The following PARD3B variants were observed in gnomAD, a reference collection of about 807,000 sequenced individuals.
PARD3B encodes par-3 family cell polarity regulator beta.
PARD3B carries 103 observed loss-of-function variants against 130.2 expected under a neutral mutation model. That is an observed-to-expected ratio of 0.79 (90% CI 0.67 to 0.93). The LOEUF (loss-of-function observed/expected upper bound fraction) is 0.93, where lower values mean the gene tolerates loss of function less well. Ranked by LOEUF, PARD3B falls within the 40% of genes least tolerant of loss-of-function variation. The pLI, the probability that PARD3B is intolerant of heterozygous loss-of-function variation, is 0.00. For missense variants in PARD3B, 1,609 were observed against 1,499.2 expected (o/e 1.07, Z -1.21); for synonymous variants, 583 against 553.2 (o/e 1.05, Z -0.76).
intron 2 of PARD3B, among the ~76,000 whole-genome samples, chr2:204,783,000 G>A (rs1245355549): frequency 6.6e-6 from 1 of 151,868 alleles, no homozygotes; most frequent in Non-Finnish European, 1.5e-5. Context: ...GAAAATTTCT[G>A]TTCTATCTAC....
chr2:205,599,242 A>T (rs1398304348), intron 22 of PARD3B, among the ~76,000 whole-genome samples: 2 of 152,200 alleles, frequency 1.3e-5, no homozygotes, highest in Non-Finnish European at 2.9e-5. Context: ...AGATTACCAG[A>T]TGTAAAAATT....
intron 2 of PARD3B, among the ~76,000 whole-genome samples, chr2:204,824,982 T>C (rs572749753): frequency 6.6e-6 from 1 of 152,280 alleles, no homozygotes; most frequent in South Asian, 2.1e-4. Flanking sequence ...GCAGGCTAAC[T>C]AGAAGTGAGG....
chr2:205,349,402 C>T (rs2043910295), intron 18 of PARD3B, among the ~76,000 whole-genome samples: 1 of 152,170 alleles, frequency 6.6e-6, no homozygotes, highest in African/African-American at 2.4e-5. Context: ...CCAAGCTCTC[C>T]TGGCATGAGA....
At chr2:205,406,659 C>CTTTTTT (rs777517284) in intron 19 of PARD3B, among the ~76,000 whole-genome samples, 2 of 87,466 alleles carry the variant, frequency 2.3e-5, no homozygotes, top group African/African-American at 4.7e-5. Context: ...TCTTGTGTAT[C>CTTTTTT]TTTTTTTTTT....
chr2:204,801,165 C>A (rs947678120), intron 2 of PARD3B, among the ~76,000 whole-genome samples: 4 of 151,998 alleles, frequency 2.6e-5, no homozygotes, highest in Admixed American at 6.6e-5. Context: ...TCCAGCTTTG[C>A]TCTTTTTGCT....
In PARD3B at chr2:205,530,236, A is replaced by C. The variant is rs1000450060; in HGVS notation, c.3181-23088A>C. Among the ~76,000 whole-genome samples the C allele has an allele frequency of 5.9e-5, 9 of 152,118 alleles. No individual in the cohort carries two copies. Among genetic ancestry groups the C allele is most frequent in the African/African-American group, 2.2e-4 (9 of 41,408 alleles). ...TATGTTTCTAGTGAAGTTTGGAGAA[A>C]ACGTATTATCCTAATATGCTTGAGA... On this transcript the variant is annotated intron_variant, in intron 21 of 22. Transcript: ENST00000406610. The surrounding 1 kb of genome is among the most constrained non-coding windows in gnomAD (Gnocchi z 4.7).
intron 13 of PARD3B, 86 bp from the exon 14 acceptor site, chr2:205,185,678 G>A (rs978892062): frequency 3.5e-5 from 38 of 1,074,858 alleles, no homozygotes; most frequent in Non-Finnish European, 4.2e-5. Context: ...GGCTAAAACT[G>A]CGTCTGAGAG....
chr2:205,155,299 A>G (rs1305629897), intron 10 of PARD3B, among the ~76,000 whole-genome samples: 1 of 152,182 alleles, frequency 6.6e-6, no homozygotes, highest in African/African-American at 2.4e-5. Context: ...GCGGCTCTAT[A>G]GCTGAGTCCT....
In PARD3B at chr2:205,440,422, G is replaced by A. The variant is rs143299684; in HGVS notation, c.2794G>A (p.Asp932Asn). Residue 932 changes from aspartate to asparagine, a missense_variant, in exon 20 of 23, where the codon GAT becomes AAT. Physicochemically the swap from Asp to Asn is conservative, Grantham distance 23. Coordinates refer to ENST00000406610, the MANE Select transcript of PARD3B (RefSeq NM_001302769.2). This position sits in a 1 kb window ranked among gnomAD's most constrained non-coding sequence, Gnocchi z 4.2. ...LREKQARGLL[D>N]YATGAIGSVY... ...GGAAAAGCAGGCAAGAGGTCTTCTT[G>A]ATTATGCTACTGGTGCAATTGGATC... is the stretch of plus-strand genomic sequence containing the variant. The A allele has an allele frequency of 1.1e-5, 18 of 1,614,110 alleles. No homozygotes were observed. In the African/African-American group the frequency reaches 1.6e-4, roughly 14 times the overall value.
intron 4 of PARD3B, among the ~76,000 whole-genome samples, chr2:205,067,773 T>C (rs1339075619): frequency 6.6e-6 from 1 of 152,190 alleles, no homozygotes; most frequent in African/African-American, 2.4e-5. Context: ...GATGATGCTA[T>C]TTTTTCTTTT....
intron 12 of PARD3B, among the ~76,000 whole-genome samples, chr2:205,172,795 C>A (rs2035249043): frequency 6.6e-6 from 1 of 152,156 alleles, no homozygotes; most frequent in South Asian, 2.1e-4. Context: ...ATAAATAATG[C>A]AGACCTGAGA....
chr2:204,755,513 C>T (rs371267456), intron 2 of PARD3B, among the ~76,000 whole-genome samples: 7 of 152,016 alleles, frequency 4.6e-5, no homozygotes, highest in African/African-American at 1.2e-4. Flanking sequence ...ATTGGCAAAA[C>T]CTCTTTGTTA....
At chr2:205,587,958 C>T (rs1189653046) in intron 22 of PARD3B, among the ~76,000 whole-genome samples, 1 of 152,174 alleles carries the variant, frequency 6.6e-6, no homozygotes, top group African/African-American at 2.4e-5. Flanking sequence ...CAGGGAAGGC[C>T]TTAAGGGCAG....
intron 2 of PARD3B, among the ~76,000 whole-genome samples, chr2:204,903,408 A>G (rs1274137078): frequency 6.6e-6 from 1 of 152,206 alleles, no homozygotes; most frequent in East Asian, 1.9e-4. Context: ...AGGACATGCC[A>G]TTTAATTACA....
intron 2 of PARD3B, among the ~76,000 whole-genome samples, chr2:204,805,466 G>A (rs1273143313): frequency 6.6e-6 from 1 of 152,014 alleles, no homozygotes; most frequent in Non-Finnish European, 1.5e-5. Context: ...GGTGGCTTCT[G>A]TACTGAATTT....
At chr2:205,464,126 G>T (rs534426109) in intron 20 of PARD3B, among the ~76,000 whole-genome samples, 1 of 152,200 alleles carries the variant, frequency 6.6e-6, no homozygotes, top group East Asian at 1.9e-4. Context: ...AGCCCTCTTG[G>T]TGGTGGAAAC....
intron 2 of PARD3B, among the ~76,000 whole-genome samples, chr2:204,837,074 G>A (rs577528897): frequency 4.6e-5 from 7 of 152,164 alleles, no homozygotes; most frequent in African/African-American, 1.4e-4. Context: ...AACATGAGGC[G>A]TTTAATTAAC....
Position 205,105,465 on chromosome 2 carries a change from A to G in PARD3B, c.593+951A>G, listed in dbSNP as rs72930553. Among the ~76,000 whole-genome samples the G allele has an allele frequency of 3.6e-4, 55 of 152,294 alleles. No homozygotes were observed. Among genetic ancestry groups the G allele is most frequent in the Non-Finnish European group, 6.3e-4 (43 of 68,020 alleles). Reference sequence around the variant, plus strand: ...AAGTTTATAATTATTCATGCAGTTGACGTATTCCTTTCATTTAGTCCAAAC... The same window carrying G: ...AAGTTTATAATTATTCATGCAGTTGGCGTATTCCTTTCATTTAGTCCAAAC... On this transcript the variant is annotated intron_variant, in intron 5 of 22. Transcript: ENST00000406610. This position sits in a 1 kb window ranked among gnomAD's most constrained non-coding sequence, Gnocchi z 4.0.
intron 1 of PARD3B, among the ~76,000 whole-genome samples, chr2:204,575,448 A>G (rs939033445): frequency 1.3e-5 from 2 of 152,236 alleles, no homozygotes; most frequent in Non-Finnish European, 2.9e-5. Context: ...ATTCATAGCA[A>G]TATGTAAATT....
Sources: allele counts gnomAD v4.1 joint callset (sites outside exome capture counted in the v4.1 genomes callset), GRCh38; gene constraint gnomAD v4.1.1; non-coding constraint Gnocchi (gnomAD v3.1); transcripts MANE v1.5; gene names NCBI Gene and HGNC (gene_info 2026-07-23, HGNC 2026-07-21).